The following KHDRBS2 variants were observed in gnomAD, a reference collection of about 807,000 sequenced individuals.
KHDRBS2 encodes KH RNA binding domain containing, signal transduction associated 2, also known as KH domain-containing, RNA-binding, signal transduction-associated protein 2.
KHDRBS2 carries 26 observed loss-of-function variants against 44.3 expected under a neutral mutation model. The ratio of observed to expected loss-of-function variants is 0.59; its 90% confidence interval spans 0.43 to 0.81. The LOEUF (loss-of-function observed/expected upper bound fraction) is 0.81. Ranked by LOEUF, KHDRBS2 falls within the 40% of genes least tolerant of loss-of-function variation. KHDRBS2 has a pLI of 0.00. For synonymous variants in KHDRBS2, 194 were observed against 151.1 expected (o/e 1.28, Z -2.08); for missense variants, 476 against 433.1 (o/e 1.10, Z -0.88).
At chr6:61,660,145 G>T in the KHDRBS2 span, among the ~76,000 whole-genome samples, 1 of 151,752 alleles carries the variant, frequency 6.6e-6, no homozygotes, top group Non-Finnish European at 1.5e-5. Context: ...CAGGACGTAT[G>T]GTCACTTTAT....
intron 2 of KHDRBS2, among the ~76,000 whole-genome samples, chr6:62,175,336 T>C (rs1820869979): frequency 6.6e-6 from 1 of 151,600 alleles, no homozygotes; most frequent in African/African-American, 2.4e-5. Flanking sequence ...GACTATCCCA[T>C]AAAACTATTA....
At chr6:62,098,573 C>G (rs959033740) in intron 2 of KHDRBS2, among the ~76,000 whole-genome samples, 4 of 152,086 alleles carry the variant, frequency 2.6e-5, no homozygotes, top group African/African-American at 9.7e-5. Flanking sequence ...TTTCAGAATC[C>G]TATCTTTGTC....
intron 4 of KHDRBS2, among the ~76,000 whole-genome samples, chr6:61,918,343 C>A (rs1362499391): frequency 6.6e-6 from 1 of 151,878 alleles, no homozygotes; most frequent in East Asian, 1.9e-4. Flanking sequence ...ATGCTATTGG[C>A]TGAATTATGT....
At chr6:61,613,168 C>A in the KHDRBS2 span, among the ~76,000 whole-genome samples, 2 of 151,958 alleles carry the variant, frequency 1.3e-5, no homozygotes, top group Non-Finnish European at 2.9e-5. Context: ...TAGCTTTTTA[C>A]GTATTTGTTT....
At chr6:62,272,790 C>T (rs1840290505) in intron 1 of KHDRBS2, among the ~76,000 whole-genome samples, 1 of 152,068 alleles carries the variant, frequency 6.6e-6, no homozygotes, top group South Asian at 2.1e-4. Context: ...ATTAATTTTA[C>T]AATTTTATAA....
intron 6 of KHDRBS2, among the ~76,000 whole-genome samples, chr6:61,812,479 A>G (rs1203581583): frequency 6.6e-6 from 1 of 152,114 alleles, no homozygotes; most frequent in African/African-American, 2.4e-5. Flanking sequence ...AGGAAACTAA[A>G]ACTTATAAAT....
chr6:61,994,798 T>C (rs1441087340), intron 3 of KHDRBS2, among the ~76,000 whole-genome samples: 1 of 152,048 alleles, frequency 6.6e-6, no homozygotes, highest in Non-Finnish European at 1.5e-5. Flanking sequence ...CCTGGTAAAA[T>C]GGTGTACTAT....
chr6:62,114,027 T>C (rs1805626119), intron 2 of KHDRBS2, among the ~76,000 whole-genome samples: 1 of 151,976 alleles, frequency 6.6e-6, no homozygotes, highest in Non-Finnish European at 1.5e-5. Flanking sequence ...GCAGGAGAGA[T>C]AAGCGCAAAG....
At chr6:61,761,211 G>T (rs879606396) in intron 6 of KHDRBS2, among the ~76,000 whole-genome samples, 7 of 152,164 alleles carry the variant, frequency 4.6e-5, no homozygotes, top group African/African-American at 7.2e-5. Context: ...AAATCAGGAT[G>T]CAGATCAAGG....
At chr6:62,169,725 A>T (rs1191482926) in intron 2 of KHDRBS2, among the ~76,000 whole-genome samples, 2 of 152,070 alleles carry the variant, frequency 1.3e-5, no homozygotes, top group East Asian at 3.9e-4. Flanking sequence ...CCACTGCATT[A>T]CACCACACAC....
chr6:62,106,105 T>A (rs1174327441), intron 2 of KHDRBS2, among the ~76,000 whole-genome samples: 1 of 152,220 alleles, frequency 6.6e-6, no homozygotes, highest in Non-Finnish European at 1.5e-5. Flanking sequence ...AGTTTCTTAA[T>A]CCTGAGTTCT....
chr6:62,029,213 T>A (rs1584252570), intron 3 of KHDRBS2, among the ~76,000 whole-genome samples: 1 of 151,946 alleles, frequency 6.6e-6, no homozygotes, highest in African/African-American at 2.4e-5. Context: ...TTAACAAAAA[T>A]TCATGGCAAA....
intron 6 of KHDRBS2, among the ~76,000 whole-genome samples, chr6:61,817,449 G>C (rs1789160008): frequency 6.6e-6 from 1 of 152,016 alleles, no homozygotes; most frequent in Admixed American, 6.6e-5. Flanking sequence ...TACTCACAGT[G>C]TGCTACATAT....
intron 7 of KHDRBS2, among the ~76,000 whole-genome samples, chr6:61,704,269 AT>A (rs1769135135): frequency 6.6e-6 from 1 of 151,870 alleles, no homozygotes; most frequent in Admixed American, 6.6e-5. Flanking sequence ...CAACAAATAA[AT>A]GGGGCTGAAA....
chr6:61,595,860 T>G, the KHDRBS2 span, among the ~76,000 whole-genome samples: 1 of 151,670 alleles, frequency 6.6e-6, no homozygotes, highest in Non-Finnish European at 1.5e-5. Flanking sequence ...TTACTTAATT[T>G]AACATAACAT....
intron 7 of KHDRBS2, among the ~76,000 whole-genome samples, chr6:61,702,041 A>G (rs1034959325): frequency 6.6e-6 from 1 of 151,758 alleles, no homozygotes; most frequent in Non-Finnish European, 1.5e-5. Context: ...TTGGGAAGAA[A>G]GTAGGTATTT....
chr6:61,552,459 C>T, the KHDRBS2 span, among the ~76,000 whole-genome samples: 1 of 152,080 alleles, frequency 6.6e-6, no homozygotes, highest in Non-Finnish European at 1.5e-5. Flanking sequence ...TGTCTGAAAA[C>T]AGGGATAGTT....
chr6:61,833,851 A>G (rs920360614), intron 6 of KHDRBS2, among the ~76,000 whole-genome samples: 17 of 152,144 alleles, frequency 1.1e-4, no homozygotes, highest in Non-Finnish European at 5.9e-5. Context: ...AAATTTGTTT[A>G]AAATTTAAAA....
At chr6:62,225,963 G>T (rs1216331919) in intron 1 of KHDRBS2, among the ~76,000 whole-genome samples, 1 of 152,084 alleles carries the variant, frequency 6.6e-6, no homozygotes, top group Non-Finnish European at 1.5e-5. Context: ...TTGGTTCCAG[G>T]TCTTTGCTAT....
Sources: allele counts gnomAD v4.1 joint callset (sites outside exome capture counted in the v4.1 genomes callset), GRCh38; gene constraint gnomAD v4.1.1; transcripts MANE v1.5; gene names NCBI Gene and HGNC (gene_info 2026-07-23, HGNC 2026-07-21).